Variants in MGMT observed in about 807,000 individuals in gnomAD.
MGMT encodes the protein O-6-methylguanine-DNA methyltransferase.
Under a neutral mutation model 15.9 loss-of-function variants are expected in MGMT, and 14 were observed. The ratio of observed to expected loss-of-function variants is 0.88; its 90% CI spans 0.58 to 1.37. The LOEUF is 1.37. MGMT is among the 40% of genes most tolerant of loss of function. The probability of loss-of-function intolerance (pLI) is 0.00; values close to 1 mark genes in which losing one functional copy is unlikely to be tolerated. For missense variants in MGMT, 282 were observed against 268.1 expected, an observed-to-expected ratio of 1.05 and a Z score of -0.36; for synonymous variants, 130 against 118.2, an observed-to-expected ratio of 1.10 and a Z score of -0.65.
intron 2 of MGMT, among the ~76,000 whole-genome samples, chr10:129,707,054 G>A (rs781191673): frequency 6.6e-6 from 1 of 152,062 alleles, no homozygotes; most frequent in Non-Finnish European, 1.5e-5. Context: ...CTGAGGTCAG[G>A]AGTTCGAGAC....
At chr10:129,529,432 T>C (rs2119744980) in intron 1 of MGMT, among the ~76,000 whole-genome samples, 1 of 152,196 alleles carries the variant, frequency 6.6e-6, no homozygotes, top group Middle Eastern at 3.4e-3. Context: ...CATGCACAGT[T>C]CACAATAGGC....
chr10:129,480,107 T>G (rs1365703468), intron 1 of MGMT, among the ~76,000 whole-genome samples: 1 of 152,238 alleles, frequency 6.6e-6, no homozygotes, highest in African/African-American at 2.4e-5. Context: ...CCTGGATGAA[T>G]AGAAGACAGC....
At position 129,479,093 on chromosome 10, in the gene MGMT, C is replaced by A. The variant is rs142847696; in HGVS notation, c.-13+11797C>A. Reference sequence around the variant, plus strand: ...TGACAGCAGTTGTATCAGTTTATTACCCAGAACATGTTTGATGAATCTGAA... The same window carrying A: ...TGACAGCAGTTGTATCAGTTTATTAACCAGAACATGTTTGATGAATCTGAA... On this transcript the variant is annotated intron_variant, in intron 1 of 4. Transcript: ENST00000651593. Among the ~76,000 whole-genome samples the A allele has an allele frequency of 2.4e-3, 361 of 152,262 alleles. 17 individuals are homozygous for A. The East Asian group carries it at 0.065, about 28-fold the overall frequency.
chr10:129,769,046 G>A lies in MGMT; in HGVS notation c.*2049G>A, dbSNP rs1848971399. 1 of 152,610 alleles carries A rather than the reference G, an allele frequency of 6.6e-6. No homozygotes were observed. The highest frequency in any genetic ancestry group is 1.5e-5 in the Non-Finnish European group (1 of 68,354). The allele number at this position is 152,610 out of a possible 1,614,324, so 9.5% of individuals were successfully genotyped here. On this transcript the variant is annotated 3_prime_UTR_variant, in exon 5 of 5. Transcript: ENST00000651593. ...CCCAGAATCCAGGTCAGCTCCTGGT[G>A]GCAGGGGACCTGCCCGTCAAAGCCG... is the stretch of plus-strand genomic sequence containing the variant.
At chr10:129,644,963 A>G (rs969114269) in intron 2 of MGMT, among the ~76,000 whole-genome samples, 10 of 152,288 alleles carry the variant, frequency 6.6e-5, no homozygotes, top group Admixed American at 5.2e-4. Context: ...AAGGATGGGC[A>G]GGGAGTGGAC....
intron 2 of MGMT, among the ~76,000 whole-genome samples, chr10:129,568,412 G>A (rs1846379870): frequency 6.6e-6 from 1 of 152,194 alleles, no homozygotes; most frequent in African/African-American, 2.4e-5. Flanking sequence ...GGGGGCAAAT[G>A]TCCTGGGATT....
chr10:129,704,286 T>C (rs578022779), intron 2 of MGMT, among the ~76,000 whole-genome samples: 1 of 152,168 alleles, frequency 6.6e-6, no homozygotes, highest in Non-Finnish European at 1.5e-5. Flanking sequence ...AAGGAAACTC[T>C]GAGAGAGGCC....
At chr10:129,511,811 C>A (rs55834084) in intron 1 of MGMT, among the ~76,000 whole-genome samples, 4,799 of 152,284 alleles carry the variant, frequency 0.032, 118 homozygotes, top group South Asian at 0.067. Flanking sequence ...AAAGTGGCGT[C>A]TGGGCTGGCA....
intron 2 of MGMT, among the ~76,000 whole-genome samples, chr10:129,590,454 G>A (rs1414069622): frequency 6.6e-6 from 1 of 152,152 alleles, no homozygotes; most frequent in Non-Finnish European, 1.5e-5. Flanking sequence ...TGGATACAAT[G>A]TGAGCGAATT....
At chr10:129,538,174 G>C (rs1343669243) in intron 2 of MGMT, among the ~76,000 whole-genome samples, 3 of 152,098 alleles carry the variant, frequency 2.0e-5, no homozygotes, top group Non-Finnish European at 4.4e-5. Flanking sequence ...AAATTACATA[G>C]AAGTCAGATT....
intron 2 of MGMT, among the ~76,000 whole-genome samples, chr10:129,646,982 C>G (rs1287330513): frequency 6.6e-6 from 1 of 151,662 alleles, no homozygotes; most frequent in African/African-American, 2.4e-5. Context: ...TGTGATTAGA[C>G]CTGAGAAGAG....
At chr10:129,706,451 G>A (rs1487740161) in intron 2 of MGMT, among the ~76,000 whole-genome samples, 7 of 152,226 alleles carry the variant, frequency 4.6e-5, no homozygotes, top group African/African-American at 1.7e-4. Context: ...CAGGAAGGAA[G>A]GGTGAAGGGC....
At chr10:129,519,531 C>T (rs551359798) in intron 1 of MGMT, among the ~76,000 whole-genome samples, 36 of 152,286 alleles carry the variant, frequency 2.4e-4, no homozygotes, top group African/African-American at 8.2e-4. Flanking sequence ...TCCAGGAGCA[C>T]GAGACCTTTA....
At chr10:129,680,919 G>A (rs866277451) in intron 2 of MGMT, among the ~76,000 whole-genome samples, 4 of 152,164 alleles carry the variant, frequency 2.6e-5, no homozygotes, top group Non-Finnish European at 4.4e-5. Context: ...CTTCCTGAGC[G>A]ACCCCATCAG....
At chr10:129,654,005 C>A (rs550504239) in intron 2 of MGMT, among the ~76,000 whole-genome samples, 1 of 152,226 alleles carries the variant, frequency 6.6e-6, no homozygotes, top group East Asian at 1.9e-4. Flanking sequence ...CCCACCTCCC[C>A]CTTGACAAGA....
At chr10:129,730,037 C>G (rs1435842788) in intron 3 of MGMT, among the ~76,000 whole-genome samples, 1 of 152,204 alleles carries the variant, frequency 6.6e-6, no homozygotes, top group East Asian at 1.9e-4. Context: ...CTTGTAGAAG[C>G]AGCGTGAAGT....
chr10:129,526,655 G>A (rs1300267324), intron 1 of MGMT, among the ~76,000 whole-genome samples: 2 of 152,134 alleles, frequency 1.3e-5, no homozygotes, highest in Admixed American at 6.5e-5. Flanking sequence ...CACCACACCC[G>A]GCTAGTCTGT....
At chr10:129,731,876 G>A (rs988183380) in intron 3 of MGMT, among the ~76,000 whole-genome samples, 2 of 152,158 alleles carry the variant, frequency 1.3e-5, no homozygotes, top group African/African-American at 2.4e-5. Flanking sequence ...AGACAGCTGG[G>A]TTCTCAGATC....
At chr10:129,468,863 C>T (rs996188124) in intron 1 of MGMT, among the ~76,000 whole-genome samples, 16 of 151,954 alleles carry the variant, frequency 1.1e-4, no homozygotes, top group African/African-American at 3.9e-4. Flanking sequence ...CCAACCTGGG[C>T]GACGAGAGTG....
Sources: allele counts gnomAD v4.1 joint callset (sites outside exome capture counted in the v4.1 genomes callset), GRCh38; gene constraint gnomAD v4.1.1; transcripts MANE v1.5; gene names NCBI Gene and HGNC (gene_info 2026-07-23, HGNC 2026-07-21).